The following MMP14 variants were observed in gnomAD, a reference collection of about 807,000 sequenced individuals.
The protein encoded by MMP14 is matrix metalloproteinase-14.
MMP14 carries 13 observed loss-of-function variants against 64.8 expected under a neutral mutation model. The ratio of observed to expected loss-of-function variants is 0.20; its 90% CI spans 0.13 to 0.32. The LOEUF is 0.32. MMP14 is among the 10% of genes least tolerant of loss of function. MMP14 has a pLI of 1.00. For missense variants in MMP14, 594 were observed against 783.8 expected, an observed-to-expected ratio of 0.76 and a Z score of 2.89; for synonymous variants, 322 against 315.9, an observed-to-expected ratio of 1.02 and a Z score of -0.20.
chr14:22,845,665 T>C (rs1378516136), intron 9 of MMP14, 43 bp from the exon 10 acceptor site: 5 of 1,594,776 alleles, frequency 3.1e-6, no homozygotes, highest in Non-Finnish European at 4.3e-6. Flanking sequence ...CTCCTCTCTT[T>C]GGGTCTTCCC....
chr14:22,845,296 C>T lies in MMP14; in HGVS notation c.1347C>T (p.Tyr449=), dbSNP rs2039804425. The T allele has an allele frequency of 1.2e-6, 2 of 1,613,580 alleles. No individual in the cohort carries two copies. Among genetic ancestry groups the T allele is most frequent in the South Asian group, 2.2e-5 (2 of 90,954 alleles). ...AGCTCAGGGCAGTGGATAGCGAGTA[C>T]CCCAAGAACATCAAAGTCTGGGAAG... ...NEELRAVDSE[Y]PKNIKVWEGI... The change falls in exon 9 of 10, where the codon TAC becomes TAT. Residue 449 remains tyrosine, a synonymous_variant. Coordinates refer to ENST00000311852, the MANE Select transcript of MMP14 (RefSeq NM_004995.4).
In MMP14 at chr14:22,846,068, C is replaced by T; in HGVS notation, c.*29C>T. The T allele has an allele frequency of 6.9e-7, 1 of 1,450,804 alleles. No individual in the cohort carries two copies. Among genetic ancestry groups the T allele is most frequent in the Non-Finnish European group, 9.1e-7 (1 of 1,101,662 alleles). The allele number at this position is 1,450,804 out of a possible 1,614,324, so 89.9% of individuals were successfully genotyped here. The stretch of plus-strand genomic sequence containing the variant: ...CCACCGCCGGCCCGCCCACTCCTAC[C>T]ACAAGGACTTTGCCTCTGAAGGCCA... On this transcript the variant is annotated 3_prime_UTR_variant, in exon 10 of 10. Coordinates refer to ENST00000311852, the MANE Select transcript of MMP14 (RefSeq NM_004995.4).
In MMP14 at chr14:22,841,904, C is replaced by A; in HGVS notation, c.258-9C>A. ...CTGATCCCAATCCTCGCACCCAAAC[C>A]CACTCCAGGGCCATGAGGCGCCCCC... On this transcript the variant is annotated splice_polypyrimidine_tract_variant and intron_variant, in intron 2 of 9. Coordinates refer to ENST00000311852, the MANE Select transcript of MMP14 (RefSeq NM_004995.4). 6.2e-7 allele frequency: 1 copy of A among 1,614,212 alleles called. No individual in the cohort carries two copies. Among genetic ancestry groups the A allele is most frequent in the Non-Finnish European group, 8.5e-7 (1 of 1,180,024 alleles).
chr14:22,841,649 A>G lies in MMP14; in HGVS notation c.257+10A>G, dbSNP rs1429443203. On this transcript the variant is annotated intron_variant, in intron 2 of 9. Coordinates refer to ENST00000311852, the MANE Select transcript of MMP14 (RefSeq NM_004995.4). ...ATGCAGACACCATGAAGTAAGTGCT[A>G]GACCCTGGCAGGAGTTCTGCCTAGC... 2.5e-6 allele frequency: 4 copies of G among 1,613,636 alleles called. No homozygotes were observed. The Admixed American group carries it at 6.7e-5, about 27-fold the overall frequency.
chr14:22,843,669 T>C lies in MMP14; in HGVS notation c.851-41T>C, dbSNP rs780727457. On this transcript the variant is annotated intron_variant, in intron 5 of 9. Coordinates refer to ENST00000311852, the MANE Select transcript of MMP14 (RefSeq NM_004995.4). The surrounding 1 kb of genome is among the most constrained non-coding windows in gnomAD (Gnocchi z 4.8). ...ATCTGTCTGTCCTTCCGTCCCCGCC[T>C]CCTCCTAAGTCTGAAATGCCCCTCG... is the stretch of plus-strand genomic sequence containing the variant. The C allele has an allele frequency of 3.2e-6, 5 of 1,564,348 alleles. No homozygotes were observed. In the African/African-American group the frequency reaches 4.2e-5, roughly 13 times the overall value.
rs1261229619 is a variant in MMP14 at position 22,842,656 on chromosome 14, T to A, written c.627T>A (p.Ile209=). 1 of 1,613,854 alleles carries A rather than the reference T, an allele frequency of 6.2e-7. No individual in the cohort carries two copies. Among genetic ancestry groups the A allele is most frequent in the Non-Finnish European group, 8.5e-7 (1 of 1,179,822 alleles). The part of the protein sequence containing the change: ...LAHAYFPGPN[I]GGDTHFDSAE... Reference sequence around the variant, plus strand: ...ATGCCTACTTCCCAGGCCCCAACATTGGAGGAGACACCCACTTTGACTCTG... The same window carrying A: ...ATGCCTACTTCCCAGGCCCCAACATAGGAGGAGACACCCACTTTGACTCTG... Residue 209 remains isoleucine (I), a synonymous_variant, in exon 4 of 10, where the codon ATT becomes ATA. Transcript: ENST00000311852. The surrounding 1 kb of genome is among the most constrained non-coding windows in gnomAD (Gnocchi z 5.3).
At position 22,841,571 on chromosome 14, in the gene MMP14, G is replaced by A. The variant is rs760061767; in HGVS notation, c.189G>A (p.Ala63=). 6.6e-5 allele frequency: 107 copies of A among 1,613,986 alleles called. No homozygotes were observed. Among genetic ancestry groups the A allele is most frequent in the South Asian group, 1.4e-4 (13 of 91,088 alleles). ...AGCGCTCACCCCAGTCACTCTCAGC[G>A]GCCATCGCTGCCATGCAGAAGTTTT... ...HTQRSPQSLS[A]AIAAMQKFYG... The change falls in exon 2 of 10, where the codon GCG becomes GCA. Residue 63 remains alanine, a synonymous_variant. Transcript: ENST00000311852.
In MMP14 at chr14:22,842,056, A is replaced by G. The variant is rs1263144007; in HGVS notation, c.380+21A>G. 6.2e-7 allele frequency: 1 copy of G among 1,613,842 alleles called. No individual in the cohort carries two copies. ...TTCTGGTGAGTCCAACAGGCAAGCAACCTTTCTCACATCTGGTTATTATTT... is the reference window on the plus strand; with the variant it reads ...TTCTGGTGAGTCCAACAGGCAAGCAGCCTTTCTCACATCTGGTTATTATTT... On this transcript the variant is annotated intron_variant, in intron 3 of 9. Coordinates refer to ENST00000311852, the MANE Select transcript of MMP14 (RefSeq NM_004995.4). The surrounding 1 kb of genome is among the most constrained non-coding windows in gnomAD (Gnocchi z 5.3).
Position 22,842,739 on chromosome 14 carries a change from C to A in MMP14, c.688+22C>A. ...AATGGTGAGCCAAGTATCCCTGGGA[C>A]TTACTCTGGAAAAAGCCAACAGTCA... On this transcript the variant is annotated intron_variant, in intron 4 of 9. Coordinates refer to ENST00000311852, the MANE Select transcript of MMP14 (RefSeq NM_004995.4). This position sits in a 1 kb window ranked among gnomAD's most constrained non-coding sequence, Gnocchi z 5.3. 1 of 1,567,866 alleles carries A rather than the reference C, an allele frequency of 6.4e-7. No homozygotes were observed. Among genetic ancestry groups the A allele is most frequent in the Non-Finnish European group, 8.7e-7 (1 of 1,154,510 alleles).
Position 22,836,901 on chromosome 14 carries a change from C to T in MMP14, c.84C>T (p.Ala28=). Residue 28 remains alanine, a synonymous_variant, in exon 1 of 10, where the codon GCC becomes GCT. Coordinates refer to ENST00000311852, the MANE Select transcript of MMP14 (RefSeq NM_004995.4). ...CCGCGCTCGCCTCCCTCGGCTCGGC[C>T]CAAAGCAGCAGCTTCAGCCCCGAAG... ...LGTALASLGS[A]QSSSFSPEAW... The T allele has an allele frequency of 1.2e-6, 2 of 1,613,742 alleles. No homozygotes were observed. The highest frequency in any genetic ancestry group is 1.3e-5 in the African/African-American group (1 of 75,040).
chr14:22,841,892 T>C, intron 2 of MMP14, 21 bp from the exon 3 acceptor site: 1 of 1,614,106 alleles, frequency 6.2e-7, no homozygotes. Context: ...ATCCCAATCC[T>C]CGCACCCAAA....
Position 22,842,369 on chromosome 14 carries a change from C to A in MMP14, c.381-41C>A. On this transcript the variant is annotated intron_variant, in intron 3 of 9. Transcript: ENST00000311852. This position sits in a 1 kb window ranked among gnomAD's most constrained non-coding sequence, Gnocchi z 5.3. ...GAAGGAGAATGTTGCCCCTCTTTAT[C>A]CTAACACACCCCATCCTCTCCCCAC... 6.3e-7 allele frequency: 1 copy of A among 1,577,562 alleles called. No individual in the cohort carries two copies.
rs372846654 is a variant in MMP14, at chr14:22,843,445, C to T, written c.850+27C>T. The stretch of plus-strand genomic sequence containing the variant: ...CGAGTAGTCTACACCCACGCCTGCT[C>T]CCTCCTCTGCTGCTTGTTCCCTCCT... On this transcript the variant is annotated intron_variant, in intron 5 of 9. Transcript: ENST00000311852. The surrounding 1 kb of genome is among the most constrained non-coding windows in gnomAD (Gnocchi z 4.8). The T allele has an allele frequency of 6.9e-6, 11 of 1,599,302 alleles. No homozygotes were observed. Among genetic ancestry groups the T allele is most frequent in the Non-Finnish European group, 8.5e-6 (10 of 1,170,944 alleles).
chr14:22,845,440 C>T, intron 9 of MMP14, 74 bp downstream of exon 9: 3 of 1,142,630 alleles, frequency 2.6e-6, no homozygotes, highest in Non-Finnish European at 3.8e-6. Context: ...GGAGGGAAGC[C>T]TGAGGGAGTG....
At position 22,846,139 on chromosome 14, in the gene MMP14, C is replaced by T; in HGVS notation, c.*100C>T. 1 of 1,165,364 alleles carries T rather than the reference C, an allele frequency of 8.6e-7. No homozygotes were observed. The allele number at this position is 1,165,364 out of a possible 1,614,324, so 72.2% of individuals were successfully genotyped here. A position where few individuals can be genotyped will look rare whatever the true frequency, so the allele number is the denominator to read the frequency against. ...GTGGGCTGTTCCCATCGTCCCGAGC[C>T]CCCTCCCCGCAGCCTCCTTGCTTCT... On this transcript the variant is annotated 3_prime_UTR_variant, in exon 10 of 10. Coordinates refer to ENST00000311852, the MANE Select transcript of MMP14 (RefSeq NM_004995.4).
rs2039732591 is a variant in MMP14 at position 22,836,683 on chromosome 14, G to A, written c.-135G>A. 1.8e-6 allele frequency: 1 copy of A among 554,138 alleles called. No individual in the cohort carries two copies. Among genetic ancestry groups the A allele is most frequent in the African/African-American group, 2.0e-5 (1 of 51,234 alleles). 34.3% of individuals were successfully genotyped at this position (554,138 alleles called of 1,614,324 possible). On this transcript the variant is annotated 5_prime_UTR_variant, in exon 1 of 10. Transcript: ENST00000311852. ...GAGGAACAATCCCCTTTAACTCCAA[G>A]CCGACAGCGGTCTAGGAATTCAAGT...
chr14:22,843,973 A>C lies in MMP14; in HGVS notation c.1011+103A>C. On this transcript the variant is annotated intron_variant, in intron 6 of 9. Coordinates refer to ENST00000311852, the MANE Select transcript of MMP14 (RefSeq NM_004995.4). This position sits in a 1 kb window ranked among gnomAD's most constrained non-coding sequence, Gnocchi z 4.8. ...CACTTTGAGAGGCCAAGGCAGGTGG[A>C]TCACCTGAGGTCTGGAGTTCGAGAG... The C allele has an allele frequency of 7.0e-7, 1 of 1,422,640 alleles. No homozygotes were observed. The allele number at this position is 1,422,640 out of a possible 1,614,324, so 88.1% of individuals were successfully genotyped here.
chr14:22,836,951 G>T (rs781548507), intron 1 of MMP14, 26 bp downstream of exon 1: 116 of 1,588,756 alleles, frequency 7.3e-5, no homozygotes, highest in Middle Eastern at 1.7e-4. Flanking sequence ...GGCCCTTCCC[G>T]GAGTCGCGCC....
intron 1 of MMP14, among the ~76,000 whole-genome samples, chr14:22,840,941 C>G (rs2269212): frequency 0.28 from 42,832 of 152,184 alleles, 6,883 homozygotes; most frequent in East Asian, 0.39. Flanking sequence ...CTAGTTTCCC[C>G]TCGTAGCAGC....
Sources: gnomAD v4.1 joint callset for allele counts (sites outside exome capture counted in the v4.1 genomes callset) on GRCh38, gnomAD v4.1.1 for gene constraint, Gnocchi (gnomAD v3.1) non-coding constraint, MANE v1.5 for transcripts, NCBI Gene and HGNC (gene_info 2026-07-23, HGNC 2026-07-21) for gene names.